The following ZNF835 variants were observed in gnomAD, a reference collection of about 807,000 sequenced individuals.
ZNF835 encodes the protein zinc finger protein 835.
For missense variants in ZNF835, 783 were observed against 758.4 expected, an observed-to-expected ratio of 1.03 and a Z score of -0.38; for synonymous variants, 323 against 324.7, an observed-to-expected ratio of 0.99 and a Z score of 0.06.
chr19:56,667,958 G>C (rs2045259906), intron 1 of ZNF835, among the ~76,000 whole-genome samples: 1 of 152,008 alleles, frequency 6.6e-6, no homozygotes, highest in South Asian at 2.1e-4. Flanking sequence ...AATAAATGCT[G>C]TTTCTTTCTT....
intron 1 of ZNF835, among the ~76,000 whole-genome samples, chr19:56,667,209 C>T (rs1482199140): frequency 1.3e-5 from 2 of 152,222 alleles, no homozygotes; most frequent in Admixed American, 1.3e-4. Flanking sequence ...AGGATTTATA[C>T]CAATTGCCTG....
intron 1 of ZNF835, 84 bp downstream of exon 1, chr19:56,671,492 A>AG (rs1419224266): frequency 8.5e-5 from 13 of 152,438 alleles, no homozygotes; most frequent in Non-Finnish European, 1.3e-4. Context: ...GACACCGCTA[A>AG]GTGAACAGGT....
rs375775115 is a variant in ZNF835, at chr19:56,669,264, G to C, written c.-48+2312C>G. Among the ~76,000 whole-genome samples, 3 of 152,266 alleles carry C rather than the reference G, an allele frequency of 2.0e-5. No homozygotes were observed. In the South Asian group the frequency reaches 6.2e-4, roughly 32 times the overall value. On this transcript the variant is annotated intron_variant, in intron 1 of 1. Coordinates refer to ENST00000537055, the MANE Select transcript of ZNF835 (RefSeq NM_001005850.3). ...GACACACAGGGTAAGGTATAAGGAG[G>C]AGCTCAGAGCACCATGCCCTCTCTG...
rs936547728 is a variant in ZNF835 at position 56,663,479 on chromosome 19, C to T, written c.*106G>A. The T allele has an allele frequency of 1.9e-5, 28 of 1,483,086 alleles. No homozygotes were observed. Among genetic ancestry groups the T allele is most frequent in the Non-Finnish European group, 2.5e-5 (27 of 1,092,036 alleles). 91.9% of individuals were successfully genotyped at this position (1,483,086 alleles called of 1,614,324 possible). ...GTCTTCCCCACTGTGTGCCCTCAGG[C>T]AAGTTAACAAGCTTCTCTGAGCCTC... is the stretch of plus-strand genomic sequence containing the variant. On this transcript the variant is annotated 3_prime_UTR_variant, in exon 2 of 2. Transcript: ENST00000537055.
rs2045225651 is a variant in ZNF835, at chr19:56,664,597, T to G, written c.602A>C (p.Lys201Thr). 1 of 1,605,666 alleles carries G rather than the reference T, an allele frequency of 6.2e-7. No homozygotes were observed. The change falls in exon 2 of 2, where the codon AAG becomes ACG. Residue 201 changes from lysine to threonine, a missense_variant. Transcript: ENST00000537055. ...CAGGTGCGTGACGCGCGTGAAGGCC[T>G]TGCCGCAGTCGGCGCAGCGGTGCGG... ...EKPHRCADCG[K>T]AFTRVTHLTQ...
rs2045191304 is a variant in ZNF835, at chr19:56,662,009, A to G, written c.*1576T>C. On this transcript the variant is annotated 3_prime_UTR_variant, in exon 2 of 2. Coordinates refer to ENST00000537055, the MANE Select transcript of ZNF835 (RefSeq NM_001005850.3). ...GTTATGAGATTATAACTTTAATTCA[A>G]CATTGTAGTAGGTGGATTACGTTCA... 6.6e-6 allele frequency: 1 copy of G among 152,112 alleles called. No homozygotes were observed. Among genetic ancestry groups the G allele is most frequent in the Non-Finnish European group, 1.5e-5 (1 of 68,020 alleles). 9.4% of individuals were successfully genotyped at this position (152,112 alleles called of 1,614,324 possible).
chr19:56,663,594 T>C lies in ZNF835; in HGVS notation c.1605A>G (p.Ala535=). Residue 535 remains alanine, a synonymous_variant, in exon 2 of 2, where the codon GCA becomes GCG. Coordinates refer to ENST00000537055, the MANE Select transcript of ZNF835 (RefSeq NM_001005850.3). The part of the protein sequence containing the change: ...GCPGRNPRGP[A]ED ...AGGAGGCCCTCAGCTCTTAATCTTC[T>C]GCTGGTCCACGCGGGTTTCTGCCAG... 1 of 1,614,044 alleles carries C rather than the reference T, an allele frequency of 6.2e-7. No homozygotes were observed. Among genetic ancestry groups the C allele is most frequent in the Non-Finnish European group, 8.5e-7 (1 of 1,179,892 alleles).
In ZNF835 at chr19:56,664,455, C is replaced by T. The variant is rs569759117; in HGVS notation, c.744G>A (p.Lys248=). 241 of 1,612,872 alleles carry T rather than the reference C, an allele frequency of 1.5e-4. No individual in the cohort carries two copies. The highest frequency in any genetic ancestry group is 2.0e-4 in the Non-Finnish European group (232 of 1,179,392). ...IEHQRIHTGE[K]PYECSACAKA... is the part of the protein sequence containing the mutation. ...TGGCGCACGCGGAGCACTCGTAGGG[C>T]TTCTCACCGGTGTGGATGCGCTGGT... Residue 248 remains lysine (K), a synonymous_variant, in exon 2 of 2, where the codon AAG becomes AAA. Coordinates refer to ENST00000537055, the MANE Select transcript of ZNF835 (RefSeq NM_001005850.3).
intron 1 of ZNF835, among the ~76,000 whole-genome samples, chr19:56,669,325 G>A (rs1345587940): frequency 2.0e-5 from 3 of 152,142 alleles, no homozygotes; most frequent in Non-Finnish European, 4.4e-5. Context: ...CAAACCCTAA[G>A]TTTAGGGTGG....
chr19:56,665,469 C>T (rs772522151), intron 1 of ZNF835: 1 of 699,772 alleles, frequency 1.4e-6, no homozygotes, highest in Non-Finnish European at 2.7e-6. Flanking sequence ...GGACACTACC[C>T]CTCAACCCCT....
Position 56,663,256 on chromosome 19 carries a change from T to G in ZNF835, c.*329A>C. ...ATCACTTGTACCCGGGAGGCAGAAG[T>G]TTCAGTGAGCCGAGATCGCTCCACT... On this transcript the variant is annotated 3_prime_UTR_variant, in exon 2 of 2. Coordinates refer to ENST00000537055, the MANE Select transcript of ZNF835 (RefSeq NM_001005850.3). The G allele has an allele frequency of 3.1e-6, 1 of 321,804 alleles. No individual in the cohort carries two copies. 19.9% of individuals were successfully genotyped at this position (321,804 alleles called of 1,614,324 possible).
In ZNF835 at chr19:56,664,379, C is replaced by T. The variant is rs374349779; in HGVS notation, c.820G>A (p.Glu274Lys). 1.1e-5 allele frequency: 17 copies of T among 1,610,586 alleles called. No individual in the cohort carries two copies. The highest frequency in any genetic ancestry group is 6.7e-5 in the Admixed American group (4 of 59,536). Reference sequence around the variant, plus strand: ...TGGCCGCAGCGGTAGGGCTTCTCCTCCGTGTGGATGCGCTGGTGGCGGATG... The same window carrying T: ...TGGCCGCAGCGGTAGGGCTTCTCCTTCGTGTGGATGCGCTGGTGGCGGATG... ...ALIRHQRIHTEEKPYRCGQCA... is the reference protein window; with the variant it reads ...ALIRHQRIHTKEKPYRCGQCA... Residue 274 changes from glutamate (E) to lysine (K), a missense_variant, in exon 2 of 2, where the codon GAG (glutamate) becomes AAG (lysine). Transcript: ENST00000537055.
At position 56,662,910 on chromosome 19, in the gene ZNF835, A is replaced by T. The variant is rs2045197012; in HGVS notation, c.*675T>A. 1 of 152,284 alleles carries T rather than the reference A, an allele frequency of 6.6e-6. No individual in the cohort carries two copies. 9.4% of individuals were successfully genotyped at this position (152,284 alleles called of 1,614,324 possible). A position where few individuals can be genotyped will look rare whatever the true frequency, so the allele number is the denominator to read the frequency against. ...CGCGGTGGCTCATGCCTGTAATCCC[A>T]GCACTTTGGGAGGCCGAGGCGGGTG... On this transcript the variant is annotated 3_prime_UTR_variant, in exon 2 of 2. Coordinates refer to ENST00000537055, the MANE Select transcript of ZNF835 (RefSeq NM_001005850.3).
intron 1 of ZNF835, among the ~76,000 whole-genome samples, chr19:56,665,934 A>G (rs1005077211): frequency 1.3e-5 from 2 of 152,206 alleles, no homozygotes; most frequent in Non-Finnish European, 2.9e-5. Context: ...AGAAAAAAAA[A>G]GCATGAATCT....
rs76494233 is a variant in ZNF835, at chr19:56,663,625, C to G, written c.1574G>C (p.Gly525Ala). The G allele has an allele frequency of 3.6e-3, 5,822 of 1,614,000 alleles. 177 individuals are homozygous for G. The African/African-American group carries it at 0.068, about 19-fold the overall frequency. The change falls in exon 2 of 2, where the codon GGG becomes GCG. Residue 525 changes from glycine to alanine, a missense_variant. By Grantham distance (60) the Gly-to-Ala change is moderately conservative. Coordinates refer to ENST00000537055, the MANE Select transcript of ZNF835 (RefSeq NM_001005850.3). ...TCCACGCGGGTTTCTGCCAGGGCACCCCTGTTGACAGGTTTCTCCTCCCTG... is the reference window on the plus strand; with the variant it reads ...TCCACGCGGGTTTCTGCCAGGGCACGCCTGTTGACAGGTTTCTCCTCCCTG... ...LSQGGETCQQ[G>A]CPGRNPRGPA...
At position 56,663,481 on chromosome 19, in the gene ZNF835, A is replaced by G; in HGVS notation, c.*104T>C. On this transcript the variant is annotated 3_prime_UTR_variant, in exon 2 of 2. Coordinates refer to ENST00000537055, the MANE Select transcript of ZNF835 (RefSeq NM_001005850.3). ...CTTCCCCACTGTGTGCCCTCAGGCA[A>G]GTTAACAAGCTTCTCTGAGCCTCGG... The G allele has an allele frequency of 6.7e-7, 1 of 1,497,786 alleles. No homozygotes were observed. Among genetic ancestry groups the G allele is most frequent in the South Asian group, 1.2e-5 (1 of 82,712 alleles). 92.8% of individuals were successfully genotyped at this position (1,497,786 alleles called of 1,614,324 possible).
rs754845030 is a variant in ZNF835, at chr19:56,663,761, C to G, written c.1438G>C (p.Gly480Arg). Residue 480 changes from glycine (G) to arginine (R), a missense_variant, in exon 2 of 2, where the codon GGG becomes CGG. By Grantham distance (125) the Gly-to-Arg change is moderately radical. Transcript: ENST00000537055. ...GCGGAGGAGAAGCTGAAGGCCTTCC[C>G]GCAGCCGCTGCACTCGTAGGGCTTC... The part of the protein sequence containing the change: ...GEKPYECSGC[G>R]KAFSFSSALI... 2 of 1,613,944 alleles carry G rather than the reference C, an allele frequency of 1.2e-6. No individual in the cohort carries two copies. Among genetic ancestry groups the G allele is most frequent in the East Asian group, 4.5e-5 (2 of 44,882 alleles).
chr19:56,667,956 C>T lies in ZNF835; in HGVS notation c.-47-2711G>A, dbSNP rs553064674. On this transcript the variant is annotated intron_variant, in intron 1 of 1. Coordinates refer to ENST00000537055, the MANE Select transcript of ZNF835 (RefSeq NM_001005850.3). Reference sequence around the variant, plus strand: ...CCCTAGAACTGTGTGGAAATAAATGCTGTTTCTTTCTTTCTTTCTTTTTTT... The same window carrying T: ...CCCTAGAACTGTGTGGAAATAAATGTTGTTTCTTTCTTTCTTTCTTTTTTT... Among the ~76,000 whole-genome samples, 352 of 152,214 alleles carry T rather than the reference C, an allele frequency of 2.3e-3. 3 individuals carry two copies. The highest frequency in any genetic ancestry group is 8.1e-3 in the African/African-American group (336 of 41,522).
At chr19:56,669,349 A>G (rs1177106193) in intron 1 of ZNF835, among the ~76,000 whole-genome samples, 1 of 152,114 alleles carries the variant, frequency 6.6e-6, no homozygotes, top group Non-Finnish European at 1.5e-5. Flanking sequence ...TGGGGGTTCC[A>G]TGACACGGGC....
Sources: gnomAD v4.1 joint callset for allele counts (sites outside exome capture counted in the v4.1 genomes callset) on GRCh38, gnomAD v4.1.1 for gene constraint, MANE v1.5 for transcripts, NCBI Gene and HGNC (gene_info 2026-07-23, HGNC 2026-07-21) for gene names.